Variants in SLC10A6 observed in about 807,000 individuals in gnomAD.
The protein encoded by SLC10A6 is sodium-dependent organic anion transporter.
SLC10A6 carries 27 observed loss-of-function variants against 30.0 expected under a neutral mutation model. The ratio of observed to expected loss-of-function variants is 0.90; its 90% CI spans 0.66 to 1.24. The LOEUF (loss-of-function observed/expected upper bound fraction) is 1.24, where lower values mean the gene tolerates loss of function less well. SLC10A6 is among the 50% of genes most tolerant of loss of function. The pLI, the probability that SLC10A6 is intolerant of heterozygous loss-of-function variation, is 0.00. For synonymous variants in SLC10A6, 166 were observed against 173.8 expected (o/e 0.95, Z 0.36); for missense variants, 439 against 457.0 (o/e 0.96, Z 0.36).
intron 1 of SLC10A6, among the ~76,000 whole-genome samples, chr4:86,834,524 C>A (rs565533054): frequency 6.6e-6 from 1 of 152,266 alleles, no homozygotes; most frequent in Non-Finnish European, 1.5e-5. Context: ...ATTGAATCAA[C>A]CTTGCATTTT....
At chr4:86,836,097 A>G (rs1222738724) in intron 1 of SLC10A6, among the ~76,000 whole-genome samples, 1 of 152,234 alleles carries the variant, frequency 6.6e-6, no homozygotes, top group East Asian at 1.9e-4. Context: ...CTTTACCAGG[A>G]AAACAACTGA....
intron 3 of SLC10A6, among the ~76,000 whole-genome samples, chr4:86,829,709 A>T (rs1207829769): frequency 6.6e-6 from 1 of 152,218 alleles, no homozygotes; most frequent in Non-Finnish European, 1.5e-5. Flanking sequence ...CAGGGAATGA[A>T]GATATACTAA....
intron 1 of SLC10A6, among the ~76,000 whole-genome samples, chr4:86,834,298 A>C (rs560160291): frequency 4.6e-4 from 70 of 152,250 alleles, no homozygotes; most frequent in African/African-American, 1.6e-3. Flanking sequence ...CCCTCACCAG[A>C]TGCAGATGCT....
rs1746445320 is a variant in SLC10A6 at position 86,849,305 on chromosome 4, T to A, written c.-190A>T. ...ACAAGTGGCATTATAAAAGTAATTA[T>A]CACAGGCATGAAACATATAATAAAC... On this transcript the variant is annotated 5_prime_UTR_variant, in exon 1 of 6. Coordinates refer to ENST00000273905, the MANE Select transcript of SLC10A6 (RefSeq NM_197965.3). 1 of 643,726 alleles carries A rather than the reference T, an allele frequency of 1.6e-6. No individual in the cohort carries two copies. The highest frequency in any genetic ancestry group is 2.8e-5 in the East Asian group (1 of 36,210). 39.9% of individuals were successfully genotyped at this position (643,726 alleles called of 1,614,324 possible).
At chr4:86,837,290 A>AAAGAAAAAGG (rs1746211407) in intron 1 of SLC10A6, among the ~76,000 whole-genome samples, 1 of 62,736 alleles carries the variant, frequency 1.6e-5, no homozygotes, top group East Asian at 5.7e-4. Flanking sequence ...AAAGAAAAAG[A>AAAGAAAAAGG]AAGGAAGGAA....
intron 1 of SLC10A6, among the ~76,000 whole-genome samples, chr4:86,836,439 G>T (rs959184915): frequency 1.3e-5 from 2 of 152,130 alleles, no homozygotes; most frequent in Non-Finnish European, 2.9e-5. Flanking sequence ...AGGTCACAAT[G>T]AATCCACCTT....
rs184121738 is a variant in SLC10A6 at position 86,835,343 on chromosome 4, A to G, written c.378-1919T>C. ...TAGACTGAATTAAGAATTCTGTTCC[A>G]ATCCTGATATCGTGTGATCCTATGA... On this transcript the variant is annotated intron_variant, in intron 1 of 5. Transcript: ENST00000273905. 2.6e-3 allele frequency among the ~76,000 whole-genome samples: 391 copies of G among 152,304 alleles called. 1 individual carries two copies. The highest frequency in any genetic ancestry group is 9.1e-3 in the African/African-American group (377 of 41,572).
chr4:86,841,701 C>A (rs1185582215), intron 1 of SLC10A6, among the ~76,000 whole-genome samples: 1 of 152,136 alleles, frequency 6.6e-6, no homozygotes, highest in African/African-American at 2.4e-5. Flanking sequence ...TAACATTTTG[C>A]AATTGGAGAT....
chr4:86,841,930 C>T (rs1250557140), intron 1 of SLC10A6, among the ~76,000 whole-genome samples: 2 of 152,124 alleles, frequency 1.3e-5, no homozygotes, highest in Non-Finnish European at 2.9e-5. Flanking sequence ...TAAATGTTAC[C>T]CTTGTCTGCT....
At chr4:86,847,668 A>G (rs943959965) in intron 1 of SLC10A6, among the ~76,000 whole-genome samples, 5 of 152,208 alleles carry the variant, frequency 3.3e-5, no homozygotes, top group African/African-American at 1.2e-4. Flanking sequence ...AATATGTTCC[A>G]TACGCTAAAC....
intron 1 of SLC10A6, among the ~76,000 whole-genome samples, chr4:86,847,648 T>G (rs1259430247): frequency 1.3e-5 from 2 of 152,140 alleles, no homozygotes; most frequent in African/African-American, 4.8e-5. Flanking sequence ...CCATTAAAAT[T>G]TATAGGTGAA....
intron 1 of SLC10A6, among the ~76,000 whole-genome samples, chr4:86,840,564 TA>T: frequency 6.6e-6 from 1 of 152,328 alleles, no homozygotes; most frequent in East Asian, 1.9e-4. Context: ...TTAAAATTTA[TA>T]TTTTGCATGG....
chr4:86,823,783 C>G lies in SLC10A6; in HGVS notation c.1039G>C (p.Val347Leu). 1 of 1,614,212 alleles carries G rather than the reference C, an allele frequency of 6.2e-7. No homozygotes were observed. ...GGAGTGATGGCACCTTCTTCATTCA[C>G]CTCCAAGAAGGCATTGGTCTCTCTG... ...SSRETNAFLEVNEEGAITPGP... is the reference protein window; with the variant it reads ...SSRETNAFLELNEEGAITPGP... The change falls in exon 6 of 6, where the codon GTG (valine) becomes CTG (leucine). Residue 347 changes from valine (V) to leucine (L), a missense_variant. Val to Leu is a conservative substitution (Grantham distance 32). Transcript: ENST00000273905.
At chr4:86,838,907 T>C (rs1193710733) in intron 1 of SLC10A6, among the ~76,000 whole-genome samples, 1 of 106,934 alleles carries the variant, frequency 9.4e-6, no homozygotes, top group Non-Finnish European at 1.9e-5. Flanking sequence ...TGGGTGACAG[T>C]GTCTCAAAAA....
chr4:86,824,844 T>C (rs1486892378), intron 5 of SLC10A6, among the ~76,000 whole-genome samples: 1 of 152,212 alleles, frequency 6.6e-6, no homozygotes, highest in Non-Finnish European at 1.5e-5. Flanking sequence ...GCATTATATA[T>C]ATTTTTAAAT....
In SLC10A6 at chr4:86,828,021, C is replaced by A; in HGVS notation, c.733G>T (p.Ala245Ser). Residue 245 changes from alanine to serine, a missense_variant, in exon 4 of 6, where the codon GCA (alanine) becomes TCA (serine). Physicochemically the swap from Ala to Ser is moderately conservative, Grantham distance 99. Transcript: ENST00000273905. ...LIGHVTGFLL[A>S]LFTHQSWQRC... Reference sequence around the variant, plus strand: ...TGCCAAGACTGGTGGGTAAAAAGTGCCAGCAGAAAACCCGTGACATGGCCA... The same window carrying A: ...TGCCAAGACTGGTGGGTAAAAAGTGACAGCAGAAAACCCGTGACATGGCCA... The A allele has an allele frequency of 6.2e-7, 1 of 1,613,328 alleles. No individual in the cohort carries two copies. Among genetic ancestry groups the A allele is most frequent in the East Asian group, 2.2e-5 (1 of 44,854 alleles).
chr4:86,845,420 C>T (rs35392566), intron 1 of SLC10A6, among the ~76,000 whole-genome samples: 22,524 of 152,154 alleles, frequency 0.15, 2,010 homozygotes, highest in Middle Eastern at 0.19. Context: ...CTGGCTTAGT[C>T]GTTTCTACCA....
rs1158527522 is a variant in SLC10A6, at chr4:86,823,698, GA to G, written c.1123del (p.Ser375HisfsTer7). 3.1e-6 allele frequency: 5 copies of G among 1,607,398 alleles called. No homozygotes were observed. The South Asian group carries it at 3.3e-5, about 11-fold the overall frequency. On this transcript the variant is annotated frameshift_variant, in exon 6 of 6. Transcript: ENST00000273905. LOFTEE classifies it high-confidence loss of function. The stretch of plus-strand genomic sequence containing the variant: ...GCCAGCTAGTCCCTGCTATTCACAT[GA>G]AGTGATGTGGCCAACTGGCTCGAGA... ...RALEPVGHIT[S>X]CE
At chr4:86,825,146 G>A (rs1305292397) in intron 5 of SLC10A6, among the ~76,000 whole-genome samples, 3 of 152,148 alleles carry the variant, frequency 2.0e-5, no homozygotes, top group South Asian at 2.1e-4. Context: ...AACAAGTTAC[G>A]AAGTCTAAGT....
Sources: gnomAD v4.1 joint callset for allele counts (sites outside exome capture counted in the v4.1 genomes callset) on GRCh38, gnomAD v4.1.1 for gene constraint, MANE v1.5 for transcripts, NCBI Gene and HGNC (gene_info 2026-07-23, HGNC 2026-07-21) for gene names.